The following ADAMTS14 variants were observed in gnomAD, a reference collection of about 807,000 sequenced individuals.
The protein encoded by ADAMTS14 is ADAM metallopeptidase with thrombospondin type 1 motif 14.
A neutral mutation model predicts 128.6 loss-of-function variants in ADAMTS14; 100 were observed. That is an observed-to-expected ratio of 0.78 (90% CI 0.66 to 0.92). ADAMTS14 has a LOEUF of 0.92. Ranked by LOEUF, ADAMTS14 falls within the 40% of genes least tolerant of loss-of-function variation. The pLI is 0.00. For missense variants in ADAMTS14, 1,562 were observed against 1,658.6 expected (o/e 0.94, Z 1.01); for synonymous variants, 665 against 653.8 (o/e 1.02, Z -0.26).
At chr10:70,684,354 T>G (rs989030711) in intron 2 of ADAMTS14, among the ~76,000 whole-genome samples, 9 of 152,214 alleles carry the variant, frequency 5.9e-5, no homozygotes, top group African/African-American at 2.2e-4. Flanking sequence ...TATCATGGCA[T>G]AAGATCACTT....
intron 11 of ADAMTS14, among the ~76,000 whole-genome samples, chr10:70,739,977 A>G (rs1343495688): frequency 6.6e-6 from 1 of 152,242 alleles, no homozygotes; most frequent in Non-Finnish European, 1.5e-5. Context: ...AGAAAAGCCC[A>G]GGGGTCCCTG....
chr10:70,712,369 G>T (rs2132623755), intron 4 of ADAMTS14, among the ~76,000 whole-genome samples: 1 of 152,310 alleles, frequency 6.6e-6, no homozygotes, highest in South Asian at 2.1e-4. Context: ...CCCTATTGCA[G>T]CCCCAGAATC....
chr10:70,710,502 A>G (rs1365130191), intron 4 of ADAMTS14, among the ~76,000 whole-genome samples: 1 of 152,222 alleles, frequency 6.6e-6, no homozygotes, highest in East Asian at 1.9e-4. Context: ...GCAGTATGCC[A>G]AGGCCGGGAT....
At chr10:70,701,645 T>C (rs1175753946) in intron 2 of ADAMTS14, among the ~76,000 whole-genome samples, 1 of 152,234 alleles carries the variant, frequency 6.6e-6, no homozygotes, top group East Asian at 1.9e-4. Flanking sequence ...TTGTTTTTAT[T>C]TCCAAGGCCA....
intron 2 of ADAMTS14, among the ~76,000 whole-genome samples, chr10:70,699,232 C>A (rs1489474665): frequency 6.6e-6 from 1 of 152,142 alleles, no homozygotes; most frequent in East Asian, 1.9e-4. Flanking sequence ...GACTTTGGGC[C>A]AGTTACTTAA....
chr10:70,718,685 C>CT (rs1554818749), intron 4 of ADAMTS14, among the ~76,000 whole-genome samples: 4,301 of 140,694 alleles, frequency 0.031, 208 homozygotes, highest in Admixed American at 0.14. Context: ...GGTGCCCAGC[C>CT]TTTTTTTTTT....
chr10:70,708,715 C>T lies in ADAMTS14; in HGVS notation c.807C>T (p.Asp269=). The stretch of plus-strand genomic sequence containing the variant: ...TCGAGGTGCTGCTGGTGGTGGACGA[C>T]TCGGTGGTTCGCTTCCATGGCAAGG... ...YSIEVLLVVD[D]SVVRFHGKEH... Residue 269 remains aspartate (D), a synonymous_variant, in exon 4 of 22, where the codon GAC becomes GAT. Coordinates refer to ENST00000373207, the MANE Select transcript of ADAMTS14 (RefSeq NM_080722.4). The T allele has an allele frequency of 6.2e-7, 1 of 1,613,626 alleles. No individual in the cohort carries two copies. The highest frequency in any genetic ancestry group is 1.1e-5 in the South Asian group (1 of 91,058).
rs745463398 is a variant in ADAMTS14 at position 70,736,725 on chromosome 10, G to C, written c.1531G>C (p.Asp511His). 6.2e-7 allele frequency: 1 copy of C among 1,613,900 alleles called. No homozygotes were observed. Among genetic ancestry groups the C allele is most frequent in the Admixed American group, 1.7e-5 (1 of 60,010 alleles). ...CAAGCAGCTGTGGTGCAGCCATCCTGACAACCCGTACTTCTGCAAGACCAA... is the reference window on the plus strand; with the variant it reads ...CAAGCAGCTGTGGTGCAGCCATCCTCACAACCCGTACTTCTGCAAGACCAA... ...PCKQLWCSHP[D>H]NPYFCKTKKG... The change falls in exon 10 of 22, where the codon GAC becomes CAC. Residue 511 changes from aspartate to histidine, a missense_variant. By Grantham distance (81) the Asp-to-His change is moderately conservative. Coordinates refer to ENST00000373207, the MANE Select transcript of ADAMTS14 (RefSeq NM_080722.4).
chr10:70,733,472 G>A (rs1292483809), intron 7 of ADAMTS14, among the ~76,000 whole-genome samples: 5 of 152,204 alleles, frequency 3.3e-5, no homozygotes, highest in Admixed American at 2.6e-4. Context: ...TGCACTCAAA[G>A]GCCCTCTGTG....
chr10:70,724,057 C>A (rs889797196), intron 4 of ADAMTS14, among the ~76,000 whole-genome samples: 3 of 152,230 alleles, frequency 2.0e-5, no homozygotes, highest in Admixed American at 6.5e-5. Flanking sequence ...ATGCCAAGCC[C>A]TTGGCACAGT....
At chr10:70,743,424 C>A (rs1842066085) in intron 12 of ADAMTS14, 124 bp from the exon 13 acceptor site, 1 of 1,206,170 alleles carries the variant, frequency 8.3e-7, no homozygotes, top group East Asian at 2.9e-5. Flanking sequence ...CCGTGCCACA[C>A]CCAGTGCTCC....
chr10:70,726,034 G>A lies in ADAMTS14; in HGVS notation c.871-3260G>A, dbSNP rs79814977. ...CCAGGCACCTGAAGCCCTTGGTCTC[G>A]GGTTGCTTCTCAGTGGTATCTCCAG... On this transcript the variant is annotated intron_variant, in intron 4 of 21. Coordinates refer to ENST00000373207, the MANE Select transcript of ADAMTS14 (RefSeq NM_080722.4). Among the ~76,000 whole-genome samples, 928 of 152,302 alleles carry A rather than the reference G, an allele frequency of 6.1e-3. 8 individuals carry two copies. The highest frequency in any genetic ancestry group is 0.02 in the African/African-American group (828 of 41,548).
chr10:70,752,377 G>A, intron 18 of ADAMTS14, 150 bp downstream of exon 18: 1 of 1,231,678 alleles, frequency 8.1e-7, no homozygotes, highest in Non-Finnish European at 1.1e-6. Context: ...TGGGCTCCAG[G>A]CCCAGGCCAG....
In ADAMTS14 at chr10:70,730,149, G is replaced by A. The variant is rs1456756359; in HGVS notation, c.1002G>A (p.Gln334=). 1.9e-6 allele frequency: 3 copies of A among 1,612,552 alleles called. No homozygotes were observed. In the South Asian group the frequency reaches 3.3e-5, roughly 18 times the overall value. Residue 334 remains glutamine, a synonymous_variant, in exon 6 of 22, where the codon CAG becomes CAA. Transcript: ENST00000373207. ...GGAACCCCTCACGCAGCCTGGAGCA[G>A]GTGTGTCGCTGGGCACACTCCCAGC... ...ERGNPSRSLE[Q]VCRWAHSQQR...
intron 4 of ADAMTS14, among the ~76,000 whole-genome samples, chr10:70,722,412 G>A (rs1841298935): frequency 6.6e-6 from 1 of 152,160 alleles, no homozygotes; most frequent in South Asian, 2.1e-4. Flanking sequence ...AAGTGATCAG[G>A]GAAGGTGTAT....
chr10:70,719,714 AG>A (rs1228302757), intron 4 of ADAMTS14, among the ~76,000 whole-genome samples: 3 of 152,166 alleles, frequency 2.0e-5, no homozygotes, highest in African/African-American at 7.2e-5. Context: ...GGCTGAAATA[AG>A]TTTTAAACTA....
At position 70,691,392 on chromosome 10, in the gene ADAMTS14, G is replaced by A. The variant is rs1227429021; in HGVS notation, c.523-10920G>A. On this transcript the variant is annotated intron_variant, in intron 2 of 21. Transcript: ENST00000373207. ...TGTAGTCCCAGCTACTCGGGAAACT[G>A]AGGCGGGAGAATCGCTTGAACCTGG... is the stretch of plus-strand genomic sequence containing the variant. Among the ~76,000 whole-genome samples, 3 of 140,580 alleles carry A rather than the reference G, an allele frequency of 2.1e-5. 1 individual carries two copies. Among genetic ancestry groups the A allele is most frequent in the African/African-American group, 7.5e-5 (3 of 39,852 alleles). 92.2% of individuals were successfully genotyped at this position (140,580 alleles called of 152,430 possible).
At chr10:70,676,077 C>T (rs527746396) in intron 2 of ADAMTS14, among the ~76,000 whole-genome samples, 1 of 152,050 alleles carries the variant, frequency 6.6e-6, no homozygotes, top group Non-Finnish European at 1.5e-5. Flanking sequence ...TCATGATGTA[C>T]CCCTAAATGT....
chr10:70,745,113 G>C, intron 14 of ADAMTS14, 113 bp from the exon 15 acceptor site: 5 of 935,784 alleles, frequency 5.3e-6, no homozygotes, highest in African/African-American at 3.3e-5. Context: ...ATTCAGAGAG[G>C]TTCTGTGATC....
Sources: gnomAD v4.1 joint callset for allele counts (sites outside exome capture counted in the v4.1 genomes callset) on GRCh38, gnomAD v4.1.1 for gene constraint, MANE v1.5 for transcripts, NCBI Gene and HGNC (gene_info 2026-07-23, HGNC 2026-07-21) for gene names.